GABRA2: variants seen among roughly 807,000 people sequenced by gnomAD.
The protein encoded by GABRA2 is gamma-aminobutyric acid receptor subunit alpha-2.
GABRA2 carries 16 observed loss-of-function variants against 48.7 expected under a neutral mutation model. The ratio of observed to expected loss-of-function variants is 0.33; its 90% CI spans 0.22 to 0.50. GABRA2 has a LOEUF of 0.50. Among genes scored for constraint, GABRA2 ranks in the 20% least tolerant of loss-of-function variants. GABRA2 has a pLI of 0.98. For synonymous variants in GABRA2, 185 were observed against 184.5 expected (o/e 1.00, Z -0.02); for missense variants, 275 against 535.6 (o/e 0.51, Z 4.80).
intron 9 of GABRA2, among the ~76,000 whole-genome samples, chr4:46,259,332 T>A (rs1560439033): frequency 6.6e-6 from 1 of 151,836 alleles, no homozygotes; most frequent in Non-Finnish European, 1.5e-5. Context: ...CAGCACTGTA[T>A]TTTTCTAATG....
At position 46,332,552 on chromosome 4, in the gene GABRA2, A is replaced by T. The variant is rs901872403; in HGVS notation, c.255+63T>A. The T allele has an allele frequency of 1.2e-5, 11 of 923,042 alleles. No individual in the cohort carries two copies. The African/African-American group carries it at 1.6e-4, about 14-fold the overall frequency. The allele number at this position is 923,042 out of a possible 1,614,324, so 57.2% of individuals were successfully genotyped here. A position where few individuals can be genotyped will look rare whatever the true frequency, so the allele number is the denominator to read the frequency against. On this transcript the variant is annotated intron_variant, in intron 4 of 9. Transcript: ENST00000381620. ...TCTATAACACTAAAAATGCTAGTTT[A>T]TTTGAAATTACCCCCCACTCCCCAT...
chr4:46,337,161 T>C (rs989127976), intron 3 of GABRA2, among the ~76,000 whole-genome samples: 1 of 152,096 alleles, frequency 6.6e-6, no homozygotes, highest in African/African-American at 2.4e-5. Context: ...CATTTAAAAA[T>C]TTGTAATACA....
At chr4:46,276,487 A>G (rs938842588) in intron 8 of GABRA2, among the ~76,000 whole-genome samples, 1 of 152,042 alleles carries the variant, frequency 6.6e-6, no homozygotes, top group Non-Finnish European at 1.5e-5. Context: ...ATAACAGTTA[A>G]CTAGGAGAAT....
rs544954077 is a variant in GABRA2, at chr4:46,294,873, A to T, written c.856+8587T>A. ...AACCGGGTGCTTTCTGACCCATCTA[A>T]CCATAAACTGGGTCATGCACAGCAG... On this transcript the variant is annotated intron_variant, in intron 8 of 9. Transcript: ENST00000381620. 1.2e-4 allele frequency among the ~76,000 whole-genome samples: 19 copies of T among 152,284 alleles called. 1 individual carries two copies. The South Asian group carries it at 2.5e-3, about 20-fold the overall frequency.
At chr4:46,344,487 G>C (rs1027690956) in intron 3 of GABRA2, among the ~76,000 whole-genome samples, 3 of 151,942 alleles carry the variant, frequency 2.0e-5, no homozygotes, top group African/African-American at 4.8e-5. Context: ...AAGGGTAAGA[G>C]AACTCTAGCA....
At chr4:46,262,163 T>C in intron 8 of GABRA2, 35 bp from the exon 9 acceptor site, 1 of 1,572,328 alleles carries the variant, frequency 6.4e-7, no homozygotes, top group African/African-American at 1.3e-5. Context: ...AAAACATCAA[T>C]AGGTACTAGC....
At chr4:46,255,641 C>T (rs1715666348) in intron 9 of GABRA2, among the ~76,000 whole-genome samples, 1 of 151,252 alleles carries the variant, frequency 6.6e-6, no homozygotes, top group African/African-American at 2.4e-5. Flanking sequence ...GAAATATAAC[C>T]CACACAAATT....
At chr4:46,349,378 A>G (rs1383432416) in intron 3 of GABRA2, among the ~76,000 whole-genome samples, 2 of 151,974 alleles carry the variant, frequency 1.3e-5, no homozygotes, top group East Asian at 3.9e-4. Context: ...AAATCCTATC[A>G]CACTTAAATA....
At chr4:46,357,643 C>T (rs1294104958) in intron 3 of GABRA2, among the ~76,000 whole-genome samples, 1 of 148,718 alleles carries the variant, frequency 6.7e-6, no homozygotes, top group South Asian at 2.2e-4. Context: ...CTTTGTGAAG[C>T]TTTTTTATTT....
At chr4:46,281,806 A>G (rs542658759) in intron 8 of GABRA2, among the ~76,000 whole-genome samples, 1 of 152,294 alleles carries the variant, frequency 6.6e-6, no homozygotes, top group African/African-American at 2.4e-5. Context: ...GCATTAGAAG[A>G]GTCAAGGGAA....
chr4:46,265,496 A>ATAATATATATATAATATATTG (rs1560448922), intron 8 of GABRA2, among the ~76,000 whole-genome samples: 4 of 145,358 alleles, frequency 2.8e-5, no homozygotes, highest in African/African-American at 1.0e-4. Context: ...TTATATATAT[A>ATAATATATATATAATATATTG]TATATATGTT....
intron 8 of GABRA2, among the ~76,000 whole-genome samples, chr4:46,288,387 G>A (rs911493730): frequency 1.3e-4 from 20 of 152,194 alleles, no homozygotes; most frequent in Middle Eastern, 6.8e-3. Context: ...TCAGAAATAG[G>A]ATGATGTCAA....
At chr4:46,277,949 T>C (rs1239012354) in intron 8 of GABRA2, among the ~76,000 whole-genome samples, 3 of 152,246 alleles carry the variant, frequency 2.0e-5, no homozygotes, top group Non-Finnish European at 2.9e-5. Flanking sequence ...CATGTATTTT[T>C]GTGTATGTAA....
At position 46,375,471 on chromosome 4, in the gene GABRA2, G is replaced by C. The variant is rs375798006; in HGVS notation, c.187+10603C>G. ...CTCAAAACAAATAAGTTTTTCTAAA[G>C]AAGATAATTGAGGAGAATCCGGAAG... On this transcript the variant is annotated intron_variant, in intron 3 of 9. Transcript: ENST00000381620. Among the ~76,000 whole-genome samples the C allele has an allele frequency of 8.5e-5, 13 of 152,084 alleles. 1 individual carries two copies. The highest frequency in any genetic ancestry group is 2.4e-4 in the African/African-American group (10 of 41,492).
At chr4:46,261,737 T>A in intron 9 of GABRA2, 189 bp downstream of exon 9, 1 of 622,528 alleles carries the variant, frequency 1.6e-6, no homozygotes, top group South Asian at 2.0e-5. Flanking sequence ...GGAGTGGTTT[T>A]AATGGAAGTA....
intron 3 of GABRA2, among the ~76,000 whole-genome samples, chr4:46,333,374 C>A (rs1211347529): frequency 1.3e-5 from 2 of 151,818 alleles, no homozygotes; most frequent in Non-Finnish European, 2.9e-5. Flanking sequence ...TAATTTAGAT[C>A]TTTTATTTTA....
chr4:46,337,782 G>T (rs570860326), intron 3 of GABRA2, among the ~76,000 whole-genome samples: 1 of 152,012 alleles, frequency 6.6e-6, no homozygotes, highest in South Asian at 2.1e-4. Context: ...AGCCTGGAAA[G>T]GAGTAGGTTC....
At chr4:46,285,289 A>G (rs1722341476) in intron 8 of GABRA2, among the ~76,000 whole-genome samples, 2 of 152,122 alleles carry the variant, frequency 1.3e-5, no homozygotes, top group African/African-American at 2.4e-5. Context: ...TTAAAGTGAT[A>G]TTGTAAAGAA....
intron 8 of GABRA2, among the ~76,000 whole-genome samples, chr4:46,291,790 TAC>T (rs201369353): frequency 2.4e-4 from 36 of 149,800 alleles, no homozygotes; most frequent in South Asian, 1.9e-3. Flanking sequence ...TATATATATA[TAC>T]ATATACATAT....
Sources: gnomAD v4.1 joint callset for allele counts (sites outside exome capture counted in the v4.1 genomes callset) on GRCh38, gnomAD v4.1.1 for gene constraint, MANE v1.5 for transcripts, NCBI Gene and HGNC (gene_info 2026-07-23, HGNC 2026-07-21) for gene names.